The following DNM3 variants were observed in gnomAD, a reference collection of about 807,000 sequenced individuals.
The protein encoded by DNM3 is dynamin 3, also known as dynamin-3.
A neutral mutation model predicts 101.6 loss-of-function variants in DNM3; 47 were observed. The observed-to-expected ratio is 0.46, with a 90% CI of 0.37 to 0.59. The LOEUF (loss-of-function observed/expected upper bound fraction) is 0.59, where lower values mean the gene tolerates loss of function less well. Ranked by LOEUF, DNM3 falls within the 20% of genes least tolerant of loss-of-function variation. The pLI is 0.00. For missense variants in DNM3, 849 were observed against 1,085.7 expected, an observed-to-expected ratio of 0.78 and a Z score of 3.06; for synonymous variants, 385 against 387.9, an observed-to-expected ratio of 0.99 and a Z score of 0.09.
intron 2 of DNM3, among the ~76,000 whole-genome samples, chr1:171,985,079 G>A (rs951828379): frequency 6.6e-6 from 1 of 152,024 alleles, no homozygotes; most frequent in African/African-American, 2.4e-5. Context: ...TGGCAACAAA[G>A]GAGATCCACA....
chr1:172,396,171 C>T (rs938423311), intron 20 of DNM3, among the ~76,000 whole-genome samples: 1 of 152,126 alleles, frequency 6.6e-6, no homozygotes, highest in Non-Finnish European at 1.5e-5. Context: ...TAGGAAATGC[C>T]CACTCCTGTT....
intron 1 of DNM3, among the ~76,000 whole-genome samples, chr1:171,898,236 T>A (rs958680588): frequency 5.3e-5 from 8 of 152,154 alleles, no homozygotes; most frequent in Non-Finnish European, 1.2e-4. Flanking sequence ...TTTTTCTTAA[T>A]AAGAAATTTG....
At chr1:171,872,262 T>C (rs1266504253) in intron 1 of DNM3, among the ~76,000 whole-genome samples, 5 of 152,234 alleles carry the variant, frequency 3.3e-5, no homozygotes, top group African/African-American at 1.2e-4. Context: ...ATATAGGCTT[T>C]GCAGTGAATT....
intron 17 of DNM3, among the ~76,000 whole-genome samples, chr1:172,333,967 A>G (rs1231111311): frequency 6.6e-6 from 1 of 152,214 alleles, no homozygotes; most frequent in South Asian, 2.1e-4. Context: ...CTCATTTTAT[A>G]TCACAAGGGC....
At chr1:172,287,971 C>T (rs2063763472) in intron 15 of DNM3, among the ~76,000 whole-genome samples, 1 of 151,984 alleles carries the variant, frequency 6.6e-6, no homozygotes, top group South Asian at 2.1e-4. Context: ...TTACATGAGC[C>T]ACTGTGTCTG....
intron 17 of DNM3, among the ~76,000 whole-genome samples, chr1:172,343,629 G>A (rs9425291): frequency 0.53 from 80,780 of 151,984 alleles, 24,722 homozygotes; most frequent in African/African-American, 0.85. Flanking sequence ...CATAGAAGCA[G>A]CCAGCTGAAA....
chr1:171,967,401 G>A (rs1224958314), intron 2 of DNM3, among the ~76,000 whole-genome samples: 1 of 152,032 alleles, frequency 6.6e-6, no homozygotes, highest in Admixed American at 6.6e-5. Flanking sequence ...AATCTAGCTT[G>A]TTGACATGCT....
chr1:171,857,591 A>G (rs2033742867), intron 1 of DNM3, among the ~76,000 whole-genome samples: 1 of 152,172 alleles, frequency 6.6e-6, no homozygotes. Flanking sequence ...TGACCTTCTC[A>G]GATGTCCTGA....
chr1:171,882,745 G>T (rs1301478975), intron 1 of DNM3, among the ~76,000 whole-genome samples: 1 of 151,770 alleles, frequency 6.6e-6, no homozygotes, highest in Non-Finnish European at 1.5e-5. Flanking sequence ...TTTTTGAAGG[G>T]TATATGCCAC....
intron 4 of DNM3, among the ~76,000 whole-genome samples, chr1:172,004,947 G>C (rs2046579232): frequency 6.6e-6 from 1 of 152,082 alleles, no homozygotes; most frequent in Non-Finnish European, 1.5e-5. Context: ...AGTACAAGCT[G>C]TTCTGCTAAA....
At chr1:172,031,338 G>A (rs1384731603) in intron 4 of DNM3, among the ~76,000 whole-genome samples, 1 of 152,132 alleles carries the variant, frequency 6.6e-6, no homozygotes, top group Non-Finnish European at 1.5e-5. Flanking sequence ...CTCATAAGTG[G>A]GAGTTGAACA....
intron 17 of DNM3, among the ~76,000 whole-genome samples, chr1:172,352,271 T>C (rs2067234272): frequency 6.6e-6 from 1 of 152,192 alleles, no homozygotes; most frequent in Non-Finnish European, 1.5e-5. Flanking sequence ...TATCTTAAAA[T>C]TGCCATTCCA....
chr1:172,292,678 G>A (rs554372841), intron 15 of DNM3, among the ~76,000 whole-genome samples: 71 of 151,908 alleles, frequency 4.7e-4, no homozygotes, highest in Non-Finnish European at 8.2e-4. Flanking sequence ...AAAGTATTGC[G>A]GTTTTTGCAA....
chr1:171,994,735 A>G (rs1315675481), intron 4 of DNM3, among the ~76,000 whole-genome samples: 2 of 149,448 alleles, frequency 1.3e-5, no homozygotes, highest in Non-Finnish European at 3.0e-5. Flanking sequence ...TTTTGCCCCA[A>G]TTGTTATTGC....
At chr1:172,057,991 T>C (rs921596251) in intron 10 of DNM3, among the ~76,000 whole-genome samples, 3 of 142,334 alleles carry the variant, frequency 2.1e-5, no homozygotes, top group African/African-American at 2.7e-5. Context: ...CATGAAAGGA[T>C]GGAGGAAGAT....
At chr1:172,299,316 T>C (rs1029002288) in intron 15 of DNM3, among the ~76,000 whole-genome samples, 2 of 152,230 alleles carry the variant, frequency 1.3e-5, no homozygotes, top group Admixed American at 6.5e-5. Context: ...TTTTTCCTAA[T>C]AGCACATAAC....
intron 2 of DNM3, among the ~76,000 whole-genome samples, chr1:171,926,959 C>T (rs1191005445): frequency 1.3e-5 from 2 of 152,180 alleles, no homozygotes; most frequent in Non-Finnish European, 2.9e-5. Flanking sequence ...TGGTGACAGA[C>T]TGGATGCTTT....
intron 15 of DNM3, among the ~76,000 whole-genome samples, chr1:172,258,390 G>T (rs141775912): frequency 6.6e-6 from 1 of 152,104 alleles, no homozygotes; most frequent in African/African-American, 2.4e-5. Context: ...CACCAAGAGT[G>T]TATGTTCCCT....
At chr1:172,203,503 A>G (rs550163068) in intron 14 of DNM3, among the ~76,000 whole-genome samples, 6 of 152,172 alleles carry the variant, frequency 3.9e-5, no homozygotes, top group Non-Finnish European at 5.9e-5. Flanking sequence ...GACATTTTGC[A>G]TATCTTTAAC....
Sources: gnomAD v4.1 joint callset for allele counts (sites outside exome capture counted in the v4.1 genomes callset) on GRCh38, gnomAD v4.1.1 for gene constraint, MANE v1.5 for transcripts, NCBI Gene and HGNC (gene_info 2026-07-23, HGNC 2026-07-21) for gene names.